PCDH15: variants seen among roughly 807,000 people sequenced by gnomAD.
PCDH15 encodes protocadherin related 15, also known as protocadherin-15.
A neutral mutation model predicts 178.5 loss-of-function variants in PCDH15; 129 were observed. The ratio of observed to expected loss-of-function variants is 0.72; its 90% confidence interval spans 0.63 to 0.84. The LOEUF is 0.84. Ranked by LOEUF, PCDH15 falls within the 40% of genes least tolerant of loss-of-function variation. The probability of loss-of-function intolerance (pLI) is 0.00; values close to 1 mark genes in which losing one functional copy is unlikely to be tolerated. For synonymous variants in PCDH15, 800 were observed against 732.0 expected (o/e 1.09, Z -1.50); for missense variants, 2,230 against 2,099.9 (o/e 1.06, Z -1.21).
intron 2 of PCDH15, among the ~76,000 whole-genome samples, chr10:55,131,889 C>T (rs1056919704): frequency 1.3e-5 from 2 of 152,184 alleles, no homozygotes; most frequent in African/African-American, 4.8e-5. Flanking sequence ...ACAGCCTGGT[C>T]CCTAGGCTTC....
intron 2 of PCDH15, among the ~76,000 whole-genome samples, chr10:55,431,742 A>G (rs941393401): frequency 2.6e-5 from 4 of 152,062 alleles, no homozygotes; most frequent in Admixed American, 6.6e-5. Flanking sequence ...TTAATGGAAT[A>G]TTTCATGTAT....
intron 8 of PCDH15, among the ~76,000 whole-genome samples, chr10:54,254,339 A>G (rs1424871747): frequency 1.3e-5 from 2 of 152,202 alleles, no homozygotes; most frequent in Admixed American, 6.5e-5. Flanking sequence ...TATACTAGCA[A>G]CATAAAGTTT....
intron 6 of PCDH15, among the ~76,000 whole-genome samples, chr10:54,338,506 G>A (rs1224998362): frequency 2.0e-5 from 3 of 151,978 alleles, no homozygotes; most frequent in African/African-American, 7.3e-5. Context: ...CCTGACTCAG[G>A]AAATTCAAAT....
chr10:55,143,970 C>T (rs1353925195), intron 2 of PCDH15, among the ~76,000 whole-genome samples: 2 of 150,958 alleles, frequency 1.3e-5, no homozygotes, highest in Non-Finnish European at 2.9e-5. Flanking sequence ...AACAAATTTT[C>T]ATTAGGACCT....
chr10:55,035,173 C>T (rs1591848904), intron 2 of PCDH15, among the ~76,000 whole-genome samples: 1 of 151,180 alleles, frequency 6.6e-6, no homozygotes, highest in East Asian at 1.9e-4. Flanking sequence ...CTCTGATCTT[C>T]ATTTAAACTT....
At position 55,009,480 on chromosome 10, in the gene PCDH15, G is replaced by A. The variant is rs187414186; in HGVS notation, c.-79-111980C>T. 9.6e-3 allele frequency among the ~76,000 whole-genome samples: 1,467 copies of A among 152,136 alleles called. 13 individuals are homozygous for A. Among genetic ancestry groups the A allele is most frequent in the South Asian group, 0.028 (136 of 4,820 alleles). On this transcript the variant is annotated intron_variant, in intron 2 of 5. Coordinates refer to the PCDH15 transcript ENST00000458638. ...GGATTATAAAATATTTTATTCACGA[G>A]AGTTGTAGTTAGAGAAAATTCATAG...
At chr10:54,840,652 AT>A (rs1953401772) in intron 3 of PCDH15, among the ~76,000 whole-genome samples, 1 of 151,874 alleles carries the variant, frequency 6.6e-6, no homozygotes, top group South Asian at 2.1e-4. Context: ...GGCCAAATGA[AT>A]TTCAAACCTC....
In PCDH15 at chr10:53,803,694, T is replaced by C. The variant is rs1840998221; in HGVS notation, c.*2885A>G. On this transcript the variant is annotated 3_prime_UTR_variant, in exon 38 of 38. Coordinates refer to ENST00000644397, the MANE Select transcript of PCDH15 (RefSeq NM_001384140.1). ...GATTCGATGGTCATTAAGTCACAAA[T>C]GTCCTATGTCACTCTGACCATATTT... The C allele has an allele frequency of 6.6e-6, 1 of 151,940 alleles. No homozygotes were observed. Among genetic ancestry groups the C allele is most frequent in the Non-Finnish European group, 1.5e-5 (1 of 67,872 alleles). The allele number at this position is 151,940 out of a possible 1,614,324, so 9.4% of individuals were successfully genotyped here.
intron 3 of PCDH15, among the ~76,000 whole-genome samples, chr10:54,841,630 A>C (rs2133761658): frequency 6.6e-6 from 1 of 151,932 alleles, no homozygotes; most frequent in South Asian, 2.1e-4. Context: ...TAAAGCTGGT[A>C]AAAATGCATA....
chr10:54,856,926 C>T (rs1953751740), intron 3 of PCDH15, among the ~76,000 whole-genome samples: 1 of 152,144 alleles, frequency 6.6e-6, no homozygotes, highest in African/African-American at 2.4e-5. Flanking sequence ...CTTTCAATTA[C>T]ATATTCTCTT....
chr10:54,958,274 G>C (rs1838545251), intron 2 of PCDH15, among the ~76,000 whole-genome samples: 3 of 151,638 alleles, frequency 2.0e-5, no homozygotes, highest in Non-Finnish European at 4.4e-5. Context: ...TTGTTACAAG[G>C]GTTCATCTCA....
chr10:55,459,454 A>C (rs1180114071), intron 2 of PCDH15, among the ~76,000 whole-genome samples: 1 of 152,074 alleles, frequency 6.6e-6, no homozygotes, highest in Non-Finnish European at 1.5e-5. Context: ...ATTACCCTAT[A>C]CTTTTTTATG....
chr10:54,787,301 T>C (rs1366069322), intron 1 of PCDH15, among the ~76,000 whole-genome samples: 1 of 151,936 alleles, frequency 6.6e-6, no homozygotes, highest in African/African-American at 2.4e-5. Flanking sequence ...AAAAATCATC[T>C]TAATGTATGC....
At chr10:54,232,002 G>A (rs960296861) in intron 9 of PCDH15, among the ~76,000 whole-genome samples, 2 of 152,232 alleles carry the variant, frequency 1.3e-5, no homozygotes, top group South Asian at 2.1e-4. Flanking sequence ...TAAGACTTGG[G>A]GAACTGTTGA....
At chr10:54,242,124 C>A (rs2055373397) in intron 8 of PCDH15, among the ~76,000 whole-genome samples, 2 of 62,264 alleles carry the variant, frequency 3.2e-5, no homozygotes, top group South Asian at 1.4e-3. Context: ...GGTCTGAATT[C>A]TATTTTTATA....
At position 54,302,355 on chromosome 10, in the gene PCDH15, G is replaced by T. The variant is rs112983019; in HGVS notation, c.876+14916C>A. On this transcript the variant is annotated intron_variant, in intron 8 of 37. Transcript: ENST00000644397. ...AGACACACTTTGTTGTTTTAGACTA[G>T]ACTGTAAGTTCCAGCTGTGTCTGAA... 7.9e-3 allele frequency among the ~76,000 whole-genome samples: 1,205 copies of T among 152,272 alleles called. 14 individuals carry two copies. Among genetic ancestry groups the T allele is most frequent in the African/African-American group, 0.027 (1,134 of 41,552 alleles).
Position 54,867,760 on chromosome 10 carries a change from C to T in PCDH15, c.-29+29690G>A, listed in dbSNP as rs191406339. Among the ~76,000 whole-genome samples, 146 of 152,142 alleles carry T rather than the reference C, an allele frequency of 9.6e-4. 1 individual carries two copies. Among genetic ancestry groups the T allele is most frequent in the Middle Eastern group, 6.8e-3 (2 of 294 alleles). On this transcript the variant is annotated intron_variant, in intron 3 of 5. Coordinates refer to the PCDH15 transcript ENST00000458638. ...ACTGAAAAACAAGGTACCAAAACAT[C>T]GAGTTTATTTCTGAAGTTGGCCCTC...
chr10:53,869,377 T>G (rs2133192699), intron 26 of PCDH15, among the ~76,000 whole-genome samples: 1 of 152,276 alleles, frequency 6.6e-6, no homozygotes. Flanking sequence ...TATTCCCAGC[T>G]AAAATAAGTC....
chr10:54,214,073 C>A (rs772613691), intron 9 of PCDH15, 25 bp from the exon 10 acceptor site: 11 of 1,285,458 alleles, frequency 8.6e-6, no homozygotes, highest in Admixed American at 1.7e-5. Context: ...GATTTCAGTA[C>A]ATAATTGAGA....
Sources: allele counts gnomAD v4.1 joint callset (sites outside exome capture counted in the v4.1 genomes callset), GRCh38; gene constraint gnomAD v4.1.1; transcripts MANE v1.5; gene names NCBI Gene and HGNC (gene_info 2026-07-23, HGNC 2026-07-21).